PTPRN2: variants seen among roughly 807,000 people sequenced by gnomAD.
PTPRN2 encodes receptor-type tyrosine-protein phosphatase N2.
In PTPRN2, 74 loss-of-function variants were observed where a neutral mutation model predicts 118.8. The observed-to-expected ratio is 0.62, with a 90% CI of 0.52 to 0.76. The LOEUF is 0.76. Ranked by LOEUF, PTPRN2 falls within the 30% of genes least tolerant of loss-of-function variation. PTPRN2 has a pLI of 0.00. For synonymous variants in PTPRN2, 641 were observed against 608.0 expected, an observed-to-expected ratio of 1.05 and a Z score of -0.80; for missense variants, 1,481 against 1,394.4, an observed-to-expected ratio of 1.06 and a Z score of -0.99.
chr7:158,239,622 G>A (rs1795787040), intron 3 of PTPRN2, among the ~76,000 whole-genome samples: 1 of 152,156 alleles, frequency 6.6e-6, no homozygotes, highest in Non-Finnish European at 1.5e-5. Flanking sequence ...TCTCCTCTCG[G>A]AGCTCAAGGA....
rs564550765 is a variant in PTPRN2, at chr7:157,801,076, TACAC to T, written c.1788+97593_1788+97596del. On this transcript the variant is annotated intron_variant, in intron 12 of 22. Transcript: ENST00000389418. The surrounding 1 kb of genome is among the most constrained non-coding windows in gnomAD (Gnocchi z 4.2). ...ATACACATATATATACACATATATA[TACAC>T]ACACACACACATATATATATGCACA... Among the ~76,000 whole-genome samples the T allele has an allele frequency of 6.7e-6, 1 of 148,684 alleles. No homozygotes were observed. The highest frequency in any genetic ancestry group is 1.5e-5 in the Non-Finnish European group (1 of 66,624).
intron 2 of PTPRN2, among the ~76,000 whole-genome samples, chr7:158,319,494 T>TCTCCATCACACACG (rs1563131507): frequency 2.8e-5 from 1 of 35,232 alleles, no homozygotes; most frequent in Non-Finnish European, 5.0e-5. Context: ...TCCCTCACAC[T>TCTCCATCACACACG]CACACAGCCT....
rs1802193943 is a variant in PTPRN2, at chr7:157,609,377, C to CT, written c.2345-5303dup. On this transcript the variant is annotated intron_variant, in intron 15 of 22. Transcript: ENST00000389418. The surrounding 1 kb of genome is among the most constrained non-coding windows in gnomAD (Gnocchi z 4.9). The stretch of plus-strand genomic sequence containing the variant: ...CAGCCTGGACAACAAGAGTGAAACT[C>CT]TGTCTCAAAAAAATTTTTTTTTAAA... Among the ~76,000 whole-genome samples, 4 of 152,028 alleles carry CT rather than the reference C, an allele frequency of 2.6e-5. No homozygotes were observed. The highest frequency in any genetic ancestry group is 1.3e-4 in the Admixed American group (2 of 15,260).
At chr7:157,900,663 G>A (rs59502640) in intron 11 of PTPRN2, among the ~76,000 whole-genome samples, 1,629 of 152,308 alleles carry the variant, frequency 0.011, 33 homozygotes, top group African/African-American at 0.037. Flanking sequence ...TCAGTCTGAC[G>A]AAAACGCAGT....
At chr7:157,805,570 C>T (rs1017042533) in intron 12 of PTPRN2, among the ~76,000 whole-genome samples, 2 of 152,142 alleles carry the variant, frequency 1.3e-5, no homozygotes, top group Non-Finnish European at 2.9e-5. Context: ...CGTAAACTCC[C>T]GGTTGTTTAA....
chr7:157,853,511 G>A (rs1809448237), intron 12 of PTPRN2, among the ~76,000 whole-genome samples: 1 of 151,866 alleles, frequency 6.6e-6, no homozygotes, highest in Non-Finnish European at 1.5e-5. Context: ...AGGCTGAAGA[G>A]AAAAGTCCCA....
intron 3 of PTPRN2, among the ~76,000 whole-genome samples, chr7:158,214,363 G>A (rs973030198): frequency 6.6e-6 from 1 of 150,980 alleles, no homozygotes; most frequent in Non-Finnish European, 1.5e-5. Context: ...CAGACTTGGA[G>A]TCAAAGAGGC....
At chr7:158,270,325 G>A (rs964616307) in intron 3 of PTPRN2, among the ~76,000 whole-genome samples, 1 of 152,196 alleles carries the variant, frequency 6.6e-6, no homozygotes, top group Admixed American at 6.5e-5. Context: ...TAGGTGCAGA[G>A]CGGGAGCCAG....
chr7:157,928,177 C>T lies in PTPRN2; in HGVS notation c.1724-29440G>A, dbSNP rs116094546. Among the ~76,000 whole-genome samples, 988 of 152,318 alleles carry T rather than the reference C, an allele frequency of 6.5e-3. 12 individuals are homozygous for T. Among genetic ancestry groups the T allele is most frequent in the African/African-American group, 0.023 (948 of 41,566 alleles). On this transcript the variant is annotated intron_variant, in intron 11 of 22. Transcript: ENST00000389418. ...TGCAGATGAGGACTCTGAGGCCCACCCAAGACCGTAAAACCAGGGCAGGGC... is the reference window on the plus strand; with the variant it reads ...TGCAGATGAGGACTCTGAGGCCCACTCAAGACCGTAAAACCAGGGCAGGGC...
intron 1 of PTPRN2, among the ~76,000 whole-genome samples, chr7:158,491,110 G>T (rs1821411675): frequency 6.6e-6 from 1 of 152,224 alleles, no homozygotes; most frequent in South Asian, 2.1e-4. Context: ...GGAAGCCCTT[G>T]GTTGCCTTAA....
chr7:158,053,481 C>T (rs1243202133), intron 11 of PTPRN2, among the ~76,000 whole-genome samples: 2 of 152,170 alleles, frequency 1.3e-5, no homozygotes, highest in East Asian at 1.9e-4. Context: ...GAAAAGAATT[C>T]AGAACCAGCT....
At chr7:157,918,623 C>A (rs1267176978) in intron 11 of PTPRN2, among the ~76,000 whole-genome samples, 2 of 151,954 alleles carry the variant, frequency 1.3e-5, no homozygotes, top group South Asian at 2.1e-4. Flanking sequence ...ATCAGACATA[C>A]GAATGGAAGG....
intron 12 of PTPRN2, among the ~76,000 whole-genome samples, chr7:157,871,365 T>C (rs1563192428): frequency 1.3e-5 from 2 of 152,166 alleles, no homozygotes; most frequent in Non-Finnish European, 2.9e-5. Context: ...ATATGAGAAC[T>C]GTGGGCCTGG....
chr7:157,661,981 C>G (rs13438387), intron 13 of PTPRN2, among the ~76,000 whole-genome samples: 58,388 of 152,008 alleles, frequency 0.38, 12,275 homozygotes, highest in Non-Finnish European at 0.49. Flanking sequence ...ACAGGTATGT[C>G]TTCAGAGGAG....
chr7:157,926,163 T>TAC (rs1262899709), intron 11 of PTPRN2, among the ~76,000 whole-genome samples: 40 of 150,882 alleles, frequency 2.7e-4, no homozygotes, highest in East Asian at 9.8e-4. Flanking sequence ...TCCCTCTATC[T>TAC]GTCCACTGAT....
intron 11 of PTPRN2, among the ~76,000 whole-genome samples, chr7:158,068,269 C>T (rs1465629503): frequency 6.6e-6 from 1 of 152,238 alleles, no homozygotes; most frequent in Non-Finnish European, 1.5e-5. Context: ...TCTGATCAGG[C>T]CCACTGGGTG....
rs557635474 is a variant in PTPRN2, at chr7:158,003,278, T to G, written c.1723+78020A>C. Among the ~76,000 whole-genome samples the G allele has an allele frequency of 6.6e-6, 1 of 151,616 alleles. No individual in the cohort carries two copies. The highest frequency in any genetic ancestry group is 1.9e-4 in the East Asian group (1 of 5,144). ...AAATACAAAAAATTAGCCGGGCGTGTTGGCGGGCGCCTGTAGTCCCAGCTA... is the reference window on the plus strand; with the variant it reads ...AAATACAAAAAATTAGCCGGGCGTGGTGGCGGGCGCCTGTAGTCCCAGCTA... On this transcript the variant is annotated intron_variant, in intron 11 of 22. Coordinates refer to ENST00000389418, the MANE Select transcript of PTPRN2 (RefSeq NM_002847.5). The surrounding 1 kb of genome is among the most constrained non-coding windows in gnomAD (Gnocchi z 5.0).
rs1796691048 is a variant in PTPRN2, at chr7:157,676,833, C to A, written c.2001+5892G>T. ...CCTAGGAACAGGGGCTCGGAAGGAC[C>A]TGCTGTGCATGCAGGGGTCACCCCA... is the stretch of plus-strand genomic sequence containing the variant. On this transcript the variant is annotated intron_variant, in intron 13 of 22. Coordinates refer to ENST00000389418, the MANE Select transcript of PTPRN2 (RefSeq NM_002847.5). The surrounding 1 kb of genome is among the most constrained non-coding windows in gnomAD (Gnocchi z 5.6). Among the ~76,000 whole-genome samples the A allele has an allele frequency of 6.6e-6, 1 of 152,184 alleles. No individual in the cohort carries two copies. The highest frequency in any genetic ancestry group is 1.5e-5 in the Non-Finnish European group (1 of 68,030).
chr7:157,816,887 C>T (rs1165686474), intron 12 of PTPRN2, among the ~76,000 whole-genome samples: 1 of 152,344 alleles, frequency 6.6e-6, no homozygotes, highest in South Asian at 2.1e-4. Context: ...TCTCTTTACT[C>T]AGGAATATCC....
Sources: allele counts gnomAD v4.1 joint callset (sites outside exome capture counted in the v4.1 genomes callset), GRCh38; gene constraint gnomAD v4.1.1; non-coding constraint Gnocchi (gnomAD v3.1); transcripts MANE v1.5; gene names NCBI Gene and HGNC (gene_info 2026-07-23, HGNC 2026-07-21).